The following CSMD3 variants were observed in gnomAD, a reference collection of about 807,000 sequenced individuals.
CSMD3 encodes the protein CUB and Sushi multiple domains 3.
CSMD3 carries 177 observed loss-of-function variants against 435.2 expected under a neutral mutation model. That is an observed-to-expected ratio of 0.41 (90% CI 0.36 to 0.46). CSMD3 has a LOEUF of 0.46. CSMD3 is among the 20% of genes least tolerant of loss of function. The pLI, the probability that CSMD3 is intolerant of heterozygous loss-of-function variation, is 0.34. For synonymous variants in CSMD3, 1,656 were observed against 1,520.5 expected (o/e 1.09, Z -2.07); for missense variants, 4,265 against 4,504.6 (o/e 0.95, Z 1.52).
At chr8:112,671,290 G>A (rs2131729703) in intron 16 of CSMD3, among the ~76,000 whole-genome samples, 1 of 151,736 alleles carries the variant, frequency 6.6e-6, no homozygotes, top group South Asian at 2.1e-4. Context: ...TTTTCTCCCA[G>A]CCTCTTACTA....
At chr8:112,625,317 T>C (rs1376380378) in intron 22 of CSMD3, among the ~76,000 whole-genome samples, 1 of 152,026 alleles carries the variant, frequency 6.6e-6, no homozygotes, top group Non-Finnish European at 1.5e-5. Context: ...TCAAACATCA[T>C]GATTGAACAA....
chr8:112,641,359 C>G (rs777319758), intron 20 of CSMD3, among the ~76,000 whole-genome samples: 1 of 152,066 alleles, frequency 6.6e-6, no homozygotes, highest in Non-Finnish European at 1.5e-5. Context: ...ATATTCTAGT[C>G]ATTATAGAAT....
At chr8:112,346,260 T>G in intron 40 of CSMD3, 47 bp from the exon 41 acceptor site, 1 of 1,094,402 alleles carries the variant, frequency 9.1e-7, no homozygotes, top group South Asian at 1.2e-5. Flanking sequence ...GAGGAATAAT[T>G]TACTGTATTA....
chr8:112,726,730 A>G (rs144546590), intron 13 of CSMD3, among the ~76,000 whole-genome samples: 79 of 151,986 alleles, frequency 5.2e-4, no homozygotes, highest in South Asian at 4.1e-3. Flanking sequence ...TTGCAAAGTT[A>G]TAACAACAAC....
At chr8:112,853,966 T>A (rs1218541383) in intron 11 of CSMD3, among the ~76,000 whole-genome samples, 4 of 152,188 alleles carry the variant, frequency 2.6e-5, no homozygotes, top group African/African-American at 7.2e-5. Context: ...CATGAAAGAT[T>A]TCCTCCTTTG....
chr8:113,435,793 C>G (rs1245590059), intron 1 of CSMD3, among the ~76,000 whole-genome samples: 1 of 152,016 alleles, frequency 6.6e-6, no homozygotes. Context: ...AGCAGGGTGC[C>G]GGAGAAGTTG....
At chr8:113,197,119 A>C (rs1230035473) in intron 3 of CSMD3, among the ~76,000 whole-genome samples, 1 of 151,300 alleles carries the variant, frequency 6.6e-6, no homozygotes, top group Non-Finnish European at 1.5e-5. Flanking sequence ...ATACAGGCTG[A>C]GCATTACTAA....
At chr8:112,567,337 C>T (rs144479552) in intron 24 of CSMD3, among the ~76,000 whole-genome samples, 121 of 152,234 alleles carry the variant, frequency 7.9e-4, no homozygotes, top group African/African-American at 2.8e-3. Flanking sequence ...ACTATCTATC[C>T]CATTGCCCTG....
intron 9 of CSMD3, among the ~76,000 whole-genome samples, chr8:112,945,391 C>A (rs2083571423): frequency 6.6e-6 from 1 of 151,662 alleles, no homozygotes; most frequent in Admixed American, 6.6e-5. Flanking sequence ...TAAATTGGAT[C>A]AGGTCACTTA....
chr8:112,538,504 G>A (rs1008331142), intron 27 of CSMD3, among the ~76,000 whole-genome samples: 1 of 151,812 alleles, frequency 6.6e-6, no homozygotes, highest in Non-Finnish European at 1.5e-5. Context: ...CAGTAATGTG[G>A]CAGGATACAA....
chr8:112,772,408 A>T (rs983676632), intron 13 of CSMD3, among the ~76,000 whole-genome samples: 1 of 152,246 alleles, frequency 6.6e-6, no homozygotes, highest in East Asian at 1.9e-4. Context: ...TGAAGGCAGC[A>T]TGCTTGTTAA....
At chr8:113,242,639 T>C (rs985071832) in intron 3 of CSMD3, among the ~76,000 whole-genome samples, 3 of 152,054 alleles carry the variant, frequency 2.0e-5, no homozygotes, top group African/African-American at 7.2e-5. Context: ...TTAAAGATCC[T>C]TTTTATTTTT....
At chr8:113,257,131 G>A (rs1247308982) in intron 3 of CSMD3, among the ~76,000 whole-genome samples, 3 of 152,232 alleles carry the variant, frequency 2.0e-5, no homozygotes, top group Non-Finnish European at 2.9e-5. Flanking sequence ...AAAACGGGCC[G>A]GGCGCAGTGG....
chr8:113,387,572 T>C (rs1202131005), intron 1 of CSMD3, among the ~76,000 whole-genome samples: 2 of 151,678 alleles, frequency 1.3e-5, no homozygotes, highest in African/African-American at 2.4e-5. Context: ...AAAATATGTA[T>C]GGGAGGTTGG....
At chr8:112,457,191 G>GT (rs1816921634) in intron 32 of CSMD3, among the ~76,000 whole-genome samples, 1 of 152,082 alleles carries the variant, frequency 6.6e-6, no homozygotes, top group African/African-American at 2.4e-5. Flanking sequence ...AAGGGGAGGT[G>GT]TGGGCATTAA....
chr8:112,291,604 G>A lies in CSMD3; in HGVS notation c.8880C>T (p.Phe2960=), dbSNP rs1201273163. 6.2e-7 allele frequency: 1 copy of A among 1,610,288 alleles called. No individual in the cohort carries two copies. The change falls in exon 56 of 71, where the codon TTC becomes TTT. Residue 2960 remains phenylalanine (F), a synonymous_variant. Coordinates refer to ENST00000297405, the MANE Select transcript of CSMD3 (RefSeq NM_198123.2). Reference sequence around the variant, plus strand: ...AAAAATATCCAGGATTGCAGTCATAGAATACCACAGTGCCGTAAGTAAAAT... The same window carrying A: ...AAAAATATCCAGGATTGCAGTCATAAAATACCACAGTGCCGTAAGTAAAAT... ...HGNFTYGTVV[F]YDCNPGYFLF... is the part of the protein sequence containing the mutation.
At chr8:112,609,681 T>C (rs1334580572) in intron 22 of CSMD3, among the ~76,000 whole-genome samples, 1 of 152,076 alleles carries the variant, frequency 6.6e-6, no homozygotes, top group Non-Finnish European at 1.5e-5. Context: ...CCGAAGGACA[T>C]AAAATCACTG....
chr8:113,330,770 C>T (rs2094021559), intron 1 of CSMD3, among the ~76,000 whole-genome samples: 1 of 151,654 alleles, frequency 6.6e-6, no homozygotes, highest in South Asian at 2.1e-4. Context: ...AACAGATTCT[C>T]AAAATACATG....
At chr8:112,828,784 A>G (rs1459635332) in intron 12 of CSMD3, among the ~76,000 whole-genome samples, 1 of 152,190 alleles carries the variant, frequency 6.6e-6, no homozygotes, top group African/African-American at 2.4e-5. Context: ...ATGTTGATCA[A>G]TGATATCCAC....
Sources: allele counts gnomAD v4.1 joint callset (sites outside exome capture counted in the v4.1 genomes callset), GRCh38; gene constraint gnomAD v4.1.1; transcripts MANE v1.5; gene names NCBI Gene and HGNC (gene_info 2026-07-23, HGNC 2026-07-21).